Variants in NAV2 observed in about 807,000 individuals in gnomAD.
NAV2 encodes the protein helicase, APC down-regulated 1.
A neutral mutation model predicts 223.2 loss-of-function variants in NAV2; 54 were observed. That is an observed-to-expected ratio of 0.24 (90% confidence interval 0.19 to 0.30). NAV2 has a LOEUF of 0.30. NAV2 is among the 10% of genes least tolerant of loss of function. The pLI is 1.00. For missense variants in NAV2, 2,806 were observed against 3,147.5 expected, an observed-to-expected ratio of 0.89 and a Z score of 2.60; for synonymous variants, 1,279 against 1,239.3, an observed-to-expected ratio of 1.03 and a Z score of -0.67.
At chr11:19,800,783 T>G (rs112751652) in intron 1 of NAV2, among the ~76,000 whole-genome samples, 7 of 151,862 alleles carry the variant, frequency 4.6e-5, no homozygotes, top group African/African-American at 1.7e-4. Context: ...CATTACACCA[T>G]GATTAAAATG....
intron 1 of NAV2, among the ~76,000 whole-genome samples, chr11:19,825,333 A>T (rs111497294): frequency 0.035 from 5,012 of 143,280 alleles, 123 homozygotes; most frequent in Middle Eastern, 0.066. Context: ...GCATTATATG[A>T]TGACATTACC....
chr11:20,009,295 C>T (rs1008500333), intron 11 of NAV2, among the ~76,000 whole-genome samples: 2 of 152,006 alleles, frequency 1.3e-5, no homozygotes, highest in South Asian at 2.1e-4. Flanking sequence ...CAGTTGTGAG[C>T]GTCTAGAGTA....
chr11:19,991,479 G>T (rs895091118), intron 11 of NAV2, among the ~76,000 whole-genome samples: 1 of 152,036 alleles, frequency 6.6e-6, no homozygotes, highest in African/African-American at 2.4e-5. Context: ...GACAATCTAG[G>T]CTCTACCTCG....
At chr11:19,687,465 C>A (rs913037137) in intron 1 of NAV2, among the ~76,000 whole-genome samples, 8 of 152,208 alleles carry the variant, frequency 5.3e-5, no homozygotes, top group African/African-American at 1.9e-4. Flanking sequence ...GTGTAACCAC[C>A]ATCCAGGTCA....
intron 11 of NAV2, chr11:20,027,385 T>TGCA: frequency 1.0e-6 from 1 of 983,392 alleles, no homozygotes; most frequent in African/African-American, 1.7e-5. Flanking sequence ...TGCAACTGAA[T>TGCA]GCAGCTGTCT....
chr11:19,578,376 G>T (rs2045626732), intron 1 of NAV2, among the ~76,000 whole-genome samples: 1 of 152,246 alleles, frequency 6.6e-6, no homozygotes, highest in African/African-American at 2.4e-5. Context: ...GGTTAAGCCA[G>T]GCAGTTGCAG....
At position 20,107,057 on chromosome 11, in the gene NAV2, A is replaced by ATTTTTT. The variant is rs10590815; in HGVS notation, c.6842-574_6842-569dup. On this transcript the variant is annotated intron_variant, in intron 35 of 37. Transcript: ENST00000349880. Reference sequence around the variant, plus strand: ...TTTGGACTTGCAGTCATGGGCTTCCATTTTTTTTTTTTTTTTTTTTTTTTT... The same window carrying ATTTTTT: ...TTTGGACTTGCAGTCATGGGCTTCCATTTTTTTTTTTTTTTTTTTTTTTTTTTTTTT... Among the ~76,000 whole-genome samples, 48 of 27,254 alleles carry ATTTTTT rather than the reference A, an allele frequency of 1.8e-3. 9 individuals carry two copies. The highest frequency in any genetic ancestry group is 0.029 in the Middle Eastern group (1 of 34). The allele number at this position is 27,254 out of a possible 152,430, so 17.9% of individuals were successfully genotyped here. A position where few individuals can be genotyped will look rare whatever the true frequency, so the allele number is the denominator to read the frequency against.
intron 10 of NAV2, among the ~76,000 whole-genome samples, chr11:19,977,876 C>T (rs1425886610): frequency 6.7e-6 from 1 of 148,320 alleles, no homozygotes; most frequent in Non-Finnish European, 1.5e-5. Flanking sequence ...ACAGTCTCGG[C>T]TCACTGCAAC....
intron 3 of NAV2, among the ~76,000 whole-genome samples, chr11:19,866,239 G>GT (rs1289505228): frequency 6.6e-6 from 1 of 152,194 alleles, no homozygotes; most frequent in Non-Finnish European, 1.5e-5. Context: ...GTGAGAAGCT[G>GT]TACTGTGCAT....
intron 1 of NAV2, among the ~76,000 whole-genome samples, chr11:19,832,026 G>A (rs1014012496): frequency 7.2e-5 from 11 of 152,156 alleles, no homozygotes; most frequent in African/African-American, 2.7e-4. Flanking sequence ...ACTCAGAATA[G>A]CTCAATAGCC....
At chr11:19,818,443 T>G (rs907893891) in intron 1 of NAV2, among the ~76,000 whole-genome samples, 3 of 151,926 alleles carry the variant, frequency 2.0e-5, no homozygotes, top group Non-Finnish European at 4.4e-5. Context: ...AGTATTTCCC[T>G]CATACAGATA....
chr11:19,951,800 C>T (rs545909227), intron 10 of NAV2, among the ~76,000 whole-genome samples: 1 of 152,342 alleles, frequency 6.6e-6, no homozygotes, highest in South Asian at 2.1e-4. Context: ...TCAGTTCCAG[C>T]TTTGCCAAGT....
intron 26 of NAV2, among the ~76,000 whole-genome samples, chr11:20,085,771 C>T (rs939345285): frequency 6.6e-6 from 1 of 152,232 alleles, no homozygotes; most frequent in African/African-American, 2.4e-5. Flanking sequence ...CTGTGTCCAG[C>T]CAGTGGGCGT....
intron 1 of NAV2, among the ~76,000 whole-genome samples, chr11:19,732,734 G>A (rs1461681341): frequency 6.6e-6 from 1 of 152,198 alleles, no homozygotes. Context: ...CCCAGTTATG[G>A]TCTGGTTCAG....
chr11:19,898,918 T>TAA (rs1473464567), intron 6 of NAV2, among the ~76,000 whole-genome samples: 2 of 152,210 alleles, frequency 1.3e-5, no homozygotes, highest in Non-Finnish European at 2.9e-5. Context: ...CTGGACTTGT[T>TAA]TACTGACACT....
chr11:19,465,261 A>G (rs981130398), intron 1 of NAV2, among the ~76,000 whole-genome samples: 4 of 152,208 alleles, frequency 2.6e-5, no homozygotes, highest in South Asian at 2.1e-4. Context: ...CTGATCCGCC[A>G]AAGAAAAGAC....
In NAV2 at chr11:19,551,897, T is replaced by TTC. The variant is rs59538869; in HGVS notation, c.75+200894_75+200895dup. ...CCCCTCCTTCTCCTCTCCTCTCCTC[T>TTC]TCTCTCTCTCTCTCTCTCTCTCTCT... On this transcript the variant is annotated intron_variant, in intron 1 of 37. Coordinates refer to the NAV2 transcript ENST00000360655. 9.5e-3 allele frequency among the ~76,000 whole-genome samples: 1,411 copies of TTC among 149,282 alleles called. 8 individuals are homozygous for TTC. Among genetic ancestry groups the TTC allele is most frequent in the African/African-American group, 0.022 (881 of 40,720 alleles).
rs145214379 is a variant in NAV2, at chr11:20,006,470, A to T, written c.2768+22223A>T. On this transcript the variant is annotated intron_variant, in intron 11 of 37. Coordinates refer to ENST00000349880, the MANE Select transcript of NAV2 (RefSeq NM_145117.5). ...GGTGGGTGGATCATGAGGCCAAGAGATCAAGACCATCCTGACCAACATGGT... is the reference window on the plus strand; with the variant it reads ...GGTGGGTGGATCATGAGGCCAAGAGTTCAAGACCATCCTGACCAACATGGT... Among the ~76,000 whole-genome samples, 1,258 of 152,170 alleles carry T rather than the reference A, an allele frequency of 8.3e-3. 5 individuals are homozygous for T. Among genetic ancestry groups the T allele is most frequent in the Non-Finnish European group, 0.014 (970 of 67,996 alleles).
chr11:19,549,557 AC>A (rs1049200551), intron 1 of NAV2, among the ~76,000 whole-genome samples: 2 of 150,956 alleles, frequency 1.3e-5, no homozygotes, highest in African/African-American at 4.9e-5. Flanking sequence ...AGAGAGCACA[AC>A]CCCCCTCCTA....
Sources: gnomAD v4.1 joint callset for allele counts (sites outside exome capture counted in the v4.1 genomes callset) on GRCh38, gnomAD v4.1.1 for gene constraint, MANE v1.5 for transcripts, NCBI Gene and HGNC (gene_info 2026-07-23, HGNC 2026-07-21) for gene names.